Variants in FOXP1 observed in about 807,000 individuals in gnomAD.
FOXP1 encodes forkhead box protein P1.
A neutral mutation model predicts 98.2 loss-of-function variants in FOXP1; 15 were observed. The observed-to-expected ratio is 0.15, with a 90% CI of 0.10 to 0.24. The LOEUF is 0.24. Ranked by LOEUF, FOXP1 falls within the 10% of genes least tolerant of loss-of-function variation. The pLI, the probability that FOXP1 is intolerant of heterozygous loss-of-function variation, is 1.00. For synonymous variants in FOXP1, 371 were observed against 314.5 expected (o/e 1.18, Z -1.90); for missense variants, 633 against 848.5 (o/e 0.75, Z 3.15).
intron 6 of FOXP1, among the ~76,000 whole-genome samples, chr3:71,117,831 C>G (rs1436907873): frequency 6.6e-6 from 1 of 152,166 alleles, no homozygotes; most frequent in Non-Finnish European, 1.5e-5. Flanking sequence ...GCTGTATTTT[C>G]ATGCTAGGCT....
intron 4 of FOXP1, among the ~76,000 whole-genome samples, chr3:71,354,612 C>T (rs2078031714): frequency 6.6e-6 from 1 of 152,232 alleles, no homozygotes; most frequent in South Asian, 2.1e-4. Context: ...GTTAATTCAG[C>T]ACATGAAACA....
intron 3 of FOXP1, among the ~76,000 whole-genome samples, chr3:71,489,640 A>G (rs1411563936): frequency 6.6e-6 from 1 of 152,238 alleles, no homozygotes; most frequent in African/African-American, 2.4e-5. Context: ...TCACACCAGG[A>G]AACAGGAGCC....
intron 14 of FOXP1, among the ~76,000 whole-genome samples, chr3:70,981,499 C>A (rs1013344561): frequency 1.3e-5 from 2 of 152,172 alleles, no homozygotes; most frequent in African/African-American, 4.8e-5. Context: ...TGGAGGTGAT[C>A]TAATGATTAA....
chr3:71,141,116 A>C (rs1030037538), intron 6 of FOXP1, among the ~76,000 whole-genome samples: 5 of 151,974 alleles, frequency 3.3e-5, no homozygotes, highest in African/African-American at 1.2e-4. Flanking sequence ...AAATTACAAA[A>C]AATTAGCCAG....
intron 7 of FOXP1, among the ~76,000 whole-genome samples, chr3:71,054,441 A>T (rs2050336296): frequency 6.6e-6 from 1 of 152,222 alleles, no homozygotes; most frequent in African/African-American, 2.4e-5. Flanking sequence ...TCATATTTGC[A>T]ACTGTTAACA....
chr3:71,041,644 C>A, intron 10 of FOXP1, 112 bp from the exon 11 acceptor site: 1 of 1,048,058 alleles, frequency 9.5e-7, no homozygotes, highest in Non-Finnish European at 1.4e-6. Flanking sequence ...GGGGGTTTTT[C>A]GGTGTGTGCA....
chr3:71,126,890 CA>C (rs66876896), intron 6 of FOXP1, among the ~76,000 whole-genome samples: 75,449 of 131,954 alleles, frequency 0.57, 21,067 homozygotes, highest in Non-Finnish European at 0.64. Flanking sequence ...AAAACAAAAA[CA>C]AAAAAAAAAA....
rs148029062 is a variant in FOXP1 at position 71,465,326 on chromosome 3, AGAAG to A, written c.-168+28096_-168+28099del. On this transcript the variant is annotated intron_variant, in intron 3 of 20. Transcript: ENST00000649528. ...CTGTCTCAGAAAAAAAAAAAAAAAAAGAAGAAGAAGAAGAAGAAGAAGAAGAGGG... is the reference window on the plus strand; with the variant it reads ...CTGTCTCAGAAAAAAAAAAAAAAAAAAAGAAGAAGAAGAAGAAGAAGAGGG... Among the ~76,000 whole-genome samples, 267 of 64,892 alleles carry A rather than the reference AGAAG, an allele frequency of 4.1e-3. 1 individual carries two copies. Among genetic ancestry groups the A allele is most frequent in the African/African-American group, 0.015 (259 of 17,392 alleles). The allele number at this position is 64,892 out of a possible 152,430, so 42.6% of individuals were successfully genotyped here.
At chr3:71,378,508 G>C (rs1027418515) in intron 3 of FOXP1, among the ~76,000 whole-genome samples, 1 of 152,004 alleles carries the variant, frequency 6.6e-6, no homozygotes. Flanking sequence ...TCATTGCTTT[G>C]TCCAGGGTCT....
chr3:71,184,678 C>CT (rs1172983853), intron 6 of FOXP1, among the ~76,000 whole-genome samples: 1 of 151,544 alleles, frequency 6.6e-6, no homozygotes, highest in African/African-American at 2.4e-5. Flanking sequence ...ATCAACTAAT[C>CT]ATAGAAAAGC....
At chr3:71,303,309 G>T (rs1169496541) in intron 4 of FOXP1, among the ~76,000 whole-genome samples, 1 of 152,146 alleles carries the variant, frequency 6.6e-6, no homozygotes, top group Non-Finnish European at 1.5e-5. Flanking sequence ...TTGTGTACCA[G>T]TCTTAATAAA....
At chr3:71,351,098 T>C (rs1215425468) in intron 4 of FOXP1, among the ~76,000 whole-genome samples, 8 of 151,956 alleles carry the variant, frequency 5.3e-5, no homozygotes, top group Admixed American at 4.6e-4. Flanking sequence ...TCTGCTGGAG[T>C]TGCTACAAAA....
chr3:70,955,978 A>T lies in FOXP1; in HGVS notation c.*3269T>A. 8.6e-6 allele frequency: 2 copies of T among 233,280 alleles called. No homozygotes were observed. Among genetic ancestry groups the T allele is most frequent in the Non-Finnish European group, 1.7e-5 (2 of 118,048 alleles). 14.5% of individuals were successfully genotyped at this position (233,280 alleles called of 1,614,324 possible). A position where few individuals can be genotyped will look rare whatever the true frequency, so the allele number is the denominator to read the frequency against. ...TCCCTCCCACATGTCAGGAAATGTCATCCAATATTCTTAAAGCAAGGATAA... is the reference window on the plus strand; with the variant it reads ...TCCCTCCCACATGTCAGGAAATGTCTTCCAATATTCTTAAAGCAAGGATAA... On this transcript the variant is annotated 3_prime_UTR_variant, in exon 21 of 21. Transcript: ENST00000649528.
intron 11 of FOXP1, among the ~76,000 whole-genome samples, chr3:71,022,262 C>T (rs542687517): frequency 3.3e-5 from 5 of 152,002 alleles, no homozygotes; most frequent in Admixed American, 1.3e-4. Context: ...TCAAAATGAA[C>T]GTAAATGTAA....
chr3:71,313,057 C>CTTTTTT (rs1227506558), intron 4 of FOXP1, among the ~76,000 whole-genome samples: 2 of 119,032 alleles, frequency 1.7e-5, no homozygotes, highest in Non-Finnish European at 3.4e-5. Flanking sequence ...AACTTTAATT[C>CTTTTTT]TTTTTTTTTT....
At chr3:71,509,451 T>A (rs2042043577) in intron 2 of FOXP1, among the ~76,000 whole-genome samples, 1 of 152,220 alleles carries the variant, frequency 6.6e-6, no homozygotes, top group Non-Finnish European at 1.5e-5. Flanking sequence ...CCCATCCTAA[T>A]GATCTCATTT....
intron 3 of FOXP1, among the ~76,000 whole-genome samples, chr3:71,432,864 A>ACT (rs1238582230): frequency 0.028 from 4,091 of 148,178 alleles, 235 homozygotes; most frequent in African/African-American, 0.093. Flanking sequence ...AAAAAAAAAA[A>ACT]AATTAAAAAA....
intron 2 of FOXP1, among the ~76,000 whole-genome samples, chr3:71,497,525 A>T (rs2091501638): frequency 1.3e-5 from 2 of 152,150 alleles, no homozygotes; most frequent in East Asian, 3.9e-4. Context: ...ATCAATCACC[A>T]AGGCCATGGA....
At chr3:71,519,128 G>C (rs532870910) in intron 2 of FOXP1, among the ~76,000 whole-genome samples, 27 of 152,220 alleles carry the variant, frequency 1.8e-4, no homozygotes, top group Admixed American at 2.0e-4. Flanking sequence ...TGCCTCTATT[G>C]CCAGCTACTC....
Sources: allele counts gnomAD v4.1 joint callset (sites outside exome capture counted in the v4.1 genomes callset), GRCh38; gene constraint gnomAD v4.1.1; transcripts MANE v1.5; gene names NCBI Gene and HGNC (gene_info 2026-07-23, HGNC 2026-07-21).